The following ZMYND15 variants were observed in gnomAD, a reference collection of about 807,000 sequenced individuals.
The protein encoded by ZMYND15 is zinc finger MYND domain-containing protein 15.
Under a neutral mutation model 81.7 loss-of-function variants are expected in ZMYND15, and 54 were observed. The ratio of observed to expected loss-of-function variants is 0.66; its 90% CI spans 0.53 to 0.83. The LOEUF (loss-of-function observed/expected upper bound fraction) is 0.83. Ranked by LOEUF, ZMYND15 falls within the 40% of genes least tolerant of loss-of-function variation. ZMYND15 has a pLI of 0.00. For missense variants in ZMYND15, 925 were observed against 973.5 expected (o/e 0.95, Z 0.66); for synonymous variants, 399 against 387.0 (o/e 1.03, Z -0.36).
Position 4,743,120 on chromosome 17 carries a change from G to A in ZMYND15, c.1145-183G>A, listed in dbSNP as rs1916498509. ...GTCAGGCATGGTGCACTCGCTTGTG[G>A]TCACAATTCTCGGGAGACTGAGGTG... is the stretch of plus-strand genomic sequence containing the variant. On this transcript the variant is annotated intron_variant, in intron 5 of 13. Coordinates refer to ENST00000433935, the MANE Select transcript of ZMYND15 (RefSeq NM_001136046.3). This position sits in a 1 kb window ranked among gnomAD's most constrained non-coding sequence, Gnocchi z 4.3. Among the ~76,000 whole-genome samples the A allele has an allele frequency of 6.6e-6, 1 of 151,994 alleles. No homozygotes were observed. Among genetic ancestry groups the A allele is most frequent in the Non-Finnish European group, 1.5e-5 (1 of 68,016 alleles).
Position 4,740,005 on chromosome 17 carries a change from C to T in ZMYND15, c.-76C>T, listed in dbSNP as rs1916309978. The T allele has an allele frequency of 3.0e-6, 3 of 985,402 alleles. No homozygotes were observed. The highest frequency in any genetic ancestry group is 2.4e-6 in the Non-Finnish European group (2 of 829,956). The allele number at this position is 985,402 out of a possible 1,614,324, so 61.0% of individuals were successfully genotyped here. On this transcript the variant is annotated 5_prime_UTR_variant, in exon 1 of 14. Coordinates refer to ENST00000433935, the MANE Select transcript of ZMYND15 (RefSeq NM_001136046.3). ...TGACGTCACAACCGCACCCGCGCAC[C>T]CTCCACCGCGAGGTATTTACCTTCG...
intron 4 of ZMYND15, 119 bp downstream of exon 4, chr17:4,742,189 G>A (rs1263123917): frequency 6.5e-7 from 1 of 1,543,602 alleles, no homozygotes. Flanking sequence ...AGATGCAGAG[G>A]AAACAATACA....
In ZMYND15 at chr17:4,745,123, C is replaced by CG; in HGVS notation, c.1897-88dup. 1 of 1,602,656 alleles carries CG rather than the reference C, an allele frequency of 6.2e-7. No homozygotes were observed. Among genetic ancestry groups the CG allele is most frequent in the South Asian group, 1.1e-5 (1 of 89,734 alleles). ...CCTGCTCCCCTCCGCCCGGTCTGTC[C>CG]GGGGACCTCGGCTTTCAGCCCGGTC... On this transcript the variant is annotated intron_variant, in intron 12 of 13. Transcript: ENST00000433935. This position sits in a 1 kb window ranked among gnomAD's most constrained non-coding sequence, Gnocchi z 5.2.
In ZMYND15 at chr17:4,745,906, C is replaced by T. The variant is rs897351564; in HGVS notation, c.2145C>T (p.Ser715=). 8 of 1,539,346 alleles carry T rather than the reference C, an allele frequency of 5.2e-6. No homozygotes were observed. In the African/African-American group the frequency reaches 1.1e-4, roughly 22 times the overall value. ...ARPAPGPPPP[S]PTPSAPPAPT... is the part of the protein sequence containing the mutation. ...CGGCGCCCGGGCCCCCACCCCCATC[C>T]CCAACTCCCTCTGCTCCTCCTGCCC... Residue 715 remains serine (S), a synonymous_variant, in exon 14 of 14, where the codon TCC becomes TCT. Coordinates refer to ENST00000433935, the MANE Select transcript of ZMYND15 (RefSeq NM_001136046.3). This position sits in a 1 kb window ranked among gnomAD's most constrained non-coding sequence, Gnocchi z 5.2.
Position 4,744,878 on chromosome 17 carries a change from T to C in ZMYND15, c.1846T>C (p.Ser616Pro). The C allele has an allele frequency of 6.2e-7, 1 of 1,614,056 alleles. No individual in the cohort carries two copies. The highest frequency in any genetic ancestry group is 8.5e-7 in the Non-Finnish European group (1 of 1,179,992). The part of the protein sequence containing the change: ...PKPDLVIGFN[S>P]GFALKDTWLR... ...CTCCTCTCTGTCTGCAGGATTTAACTCCGGGTTTGCTCTCAAGGATACGTG... is the reference window on the plus strand; with the variant it reads ...CTCCTCTCTGTCTGCAGGATTTAACCCCGGGTTTGCTCTCAAGGATACGTG... Residue 616 changes from serine (S) to proline (P), a missense_variant, in exon 12 of 14, where the codon TCC becomes CCC. Physicochemically the swap from Ser to Pro is moderately conservative, Grantham distance 74 (BLOSUM62 -1). Transcript: ENST00000433935. This position sits in a 1 kb window ranked among gnomAD's most constrained non-coding sequence, Gnocchi z 4.1.
Position 4,744,197 on chromosome 17 carries a change from G to T in ZMYND15, c.1503G>T (p.Glu501Asp). The T allele has an allele frequency of 6.2e-7, 1 of 1,614,106 alleles. No individual in the cohort carries two copies. Among genetic ancestry groups the T allele is most frequent in the Non-Finnish European group, 8.5e-7 (1 of 1,180,016 alleles). Reference protein sequence around the residue: ...ITHLVPQSFPELNIQNKQSLK... With the variant: ...ITHLVPQSFPDLNIQNKQSLK... The stretch of plus-strand genomic sequence containing the variant: ...CGCTGGTTTTTCACCCAGTCCCTGA[G>T]CTCAACATCCAAAACAAACAGTCAC... Residue 501 changes from glutamate to aspartate, a missense_variant, in exon 9 of 14, where the codon GAG (glutamate) becomes GAT (aspartate). By Grantham distance (45) the Glu-to-Asp change is conservative (BLOSUM62 2). Transcript: ENST00000433935. This position sits in a 1 kb window ranked among gnomAD's most constrained non-coding sequence, Gnocchi z 4.1.
rs1916477282 is a variant in ZMYND15 at position 4,742,632 on chromosome 17, G to A, written c.1144+141G>A. 5 of 1,206,800 alleles carry A rather than the reference G, an allele frequency of 4.1e-6. No individual in the cohort carries two copies. In the South Asian group the frequency reaches 7.8e-5, roughly 19 times the overall value. The allele number at this position is 1,206,800 out of a possible 1,614,324, so 74.8% of individuals were successfully genotyped here. Reference sequence around the variant, plus strand: ...CCTAGATCCCTGGAACAAGGGCAGGGGCTGGGTGTTTGGGGCTGGAGACAG... The same window carrying A: ...CCTAGATCCCTGGAACAAGGGCAGGAGCTGGGTGTTTGGGGCTGGAGACAG... On this transcript the variant is annotated intron_variant, in intron 5 of 13. Coordinates refer to ENST00000433935, the MANE Select transcript of ZMYND15 (RefSeq NM_001136046.3).
At position 4,740,516 on chromosome 17, in the gene ZMYND15, CA is replaced by C; in HGVS notation, c.-30-2del. ...CTCACCATATATCCCTTCTTTTGCT[CA>C]GTCTGGGCCGGGGCCCTGTGCCGCT... On this transcript the variant is annotated splice_acceptor_variant, in intron 1 of 13. Coordinates refer to ENST00000433935, the MANE Select transcript of ZMYND15 (RefSeq NM_001136046.3). LOFTEE classifies it low-confidence loss of function (5UTR_SPLICE). The C allele has an allele frequency of 3.9e-6, 6 of 1,537,030 alleles. No homozygotes were observed. Among genetic ancestry groups the C allele is most frequent in the Non-Finnish European group, 5.3e-6 (6 of 1,139,248 alleles).
rs1916373332 is a variant in ZMYND15 at position 4,740,896 on chromosome 17, G to A, written c.348G>A (p.Glu116=). ...GCCTAGAGGATGGGGAGGAAGGGGA[G>A]GAGGAAGAGGAGGAAGATGAAGAAG... ...FVSLEDGEEG[E]EEEEEDEEEE... Residue 116 remains glutamate (E), a synonymous_variant, in exon 2 of 14, where the codon GAG becomes GAA. Coordinates refer to ENST00000433935, the MANE Select transcript of ZMYND15 (RefSeq NM_001136046.3). 1.9e-6 allele frequency: 3 copies of A among 1,578,546 alleles called. No individual in the cohort carries two copies. The highest frequency in any genetic ancestry group is 1.8e-5 in the Admixed American group (1 of 56,212).
Position 4,745,702 on chromosome 17 carries a change from C to G in ZMYND15, c.2058-117C>G, listed in dbSNP as rs907362752. The G allele has an allele frequency of 7.3e-5, 49 of 673,988 alleles. No homozygotes were observed. The highest frequency in any genetic ancestry group is 1.0e-4 in the Non-Finnish European group (43 of 416,154). 41.8% of individuals were successfully genotyped at this position (673,988 alleles called of 1,614,324 possible). A position where few individuals can be genotyped will look rare whatever the true frequency, so the allele number is the denominator to read the frequency against. On this transcript the variant is annotated intron_variant, in intron 13 of 13. Transcript: ENST00000433935. This position sits in a 1 kb window ranked among gnomAD's most constrained non-coding sequence, Gnocchi z 5.2. ...GCCCCGCCCCCTGGTCCCTGACCGC[C>G]CGGTGGAGCCCCGCCCCCTGGTCCC...
At position 4,743,225 on chromosome 17, in the gene ZMYND15, C is replaced by A; in HGVS notation, c.1145-78C>A. The stretch of plus-strand genomic sequence containing the variant: ...CTGCACTCTAGCTTGGGTGATAGAG[C>A]AAGACTCTGTCTCAAAAAAAAAAAA... On this transcript the variant is annotated intron_variant, in intron 5 of 13. Coordinates refer to ENST00000433935, the MANE Select transcript of ZMYND15 (RefSeq NM_001136046.3). This position sits in a 1 kb window ranked among gnomAD's most constrained non-coding sequence, Gnocchi z 4.3. 1 of 1,425,862 alleles carries A rather than the reference C, an allele frequency of 7.0e-7. No homozygotes were observed. The highest frequency in any genetic ancestry group is 9.4e-7 in the Non-Finnish European group (1 of 1,059,256). The allele number at this position is 1,425,862 out of a possible 1,614,324, so 88.3% of individuals were successfully genotyped here. A position where few individuals can be genotyped will look rare whatever the true frequency, so the allele number is the denominator to read the frequency against.
intron 5 of ZMYND15, 45 bp downstream of exon 5, chr17:4,742,536 T>G (rs1167195361): frequency 1.2e-6 from 2 of 1,600,094 alleles, no homozygotes; most frequent in African/African-American, 2.7e-5. Context: ...TGGGACCAGG[T>G]CTTTGAGACT....
At position 4,742,326 on chromosome 17, in the gene ZMYND15, C is replaced by T; in HGVS notation, c.984-5C>T. ...CTAGGTGCCCACCACCCGCTGTGTCCCCAGCCCCCAGTGTAGTGCTGTCTT... is the reference window on the plus strand; with the variant it reads ...CTAGGTGCCCACCACCCGCTGTGTCTCCAGCCCCCAGTGTAGTGCTGTCTT... On this transcript the variant is annotated splice_region_variant and splice_polypyrimidine_tract_variant and intron_variant, in intron 4 of 13. Coordinates refer to ENST00000433935, the MANE Select transcript of ZMYND15 (RefSeq NM_001136046.3). 6.2e-7 allele frequency: 1 copy of T among 1,613,370 alleles called. No homozygotes were observed. The highest frequency in any genetic ancestry group is 1.1e-5 in the South Asian group (1 of 91,066).
Position 4,745,161 on chromosome 17 carries a change from T to C in ZMYND15, c.1897-54T>C. The C allele has an allele frequency of 6.2e-7, 1 of 1,612,864 alleles. No homozygotes were observed. The highest frequency in any genetic ancestry group is 8.5e-7 in the Non-Finnish European group (1 of 1,179,408). ...TTTCAGCCCGGTCTGTCATTCTGGC[T>C]GCTGGGATGGATTTGGGGAGGGGCC... On this transcript the variant is annotated intron_variant, in intron 12 of 13. Transcript: ENST00000433935. This position sits in a 1 kb window ranked among gnomAD's most constrained non-coding sequence, Gnocchi z 5.2.
In ZMYND15 at chr17:4,744,497, C is replaced by T. The variant is rs1454709659; in HGVS notation, c.1683+30C>T. ...GGGCTGAGGGGGCCCTGCTTTTCAGCCCTGACCCCTCCAGTGACCTCCTGG... is the reference window on the plus strand; with the variant it reads ...GGGCTGAGGGGGCCCTGCTTTTCAGTCCTGACCCCTCCAGTGACCTCCTGG... On this transcript the variant is annotated intron_variant, in intron 10 of 13. Coordinates refer to ENST00000433935, the MANE Select transcript of ZMYND15 (RefSeq NM_001136046.3). The surrounding 1 kb of genome is among the most constrained non-coding windows in gnomAD (Gnocchi z 4.1). 1 of 1,613,494 alleles carries T rather than the reference C, an allele frequency of 6.2e-7. No individual in the cohort carries two copies. The highest frequency in any genetic ancestry group is 8.5e-7 in the Non-Finnish European group (1 of 1,179,592).
rs375765573 is a variant in ZMYND15, at chr17:4,744,627, C to A, written c.1686C>A (p.Asp562Glu). The change falls in exon 11 of 14, where the codon GAC (aspartate) becomes GAA (glutamate). Residue 562 changes from aspartate (D) to glutamate (E), a missense_variant and splice_region_variant. Transcript: ENST00000433935. This position sits in a 1 kb window ranked among gnomAD's most constrained non-coding sequence, Gnocchi z 4.1. ...SDEQHFTLQR[D>E]SLEVSVRPGS... ...ACCCCACTCCTGGGGCCCCTCAGGA[C>A]AGCCTGGAGGTGTCTGTCCGGCCTG... The A allele has an allele frequency of 1.1e-4, 185 of 1,610,974 alleles. No homozygotes were observed. Among genetic ancestry groups the A allele is most frequent in the Non-Finnish European group, 1.4e-4 (164 of 1,179,158 alleles).
At chr17:4,740,196 G>A in intron 1 of ZMYND15, 146 bp downstream of exon 1, 1 of 600,858 alleles carries the variant, frequency 1.7e-6, no homozygotes, top group Non-Finnish European at 2.1e-6. Flanking sequence ...AACCGTTCCC[G>A]ATAGGATTAG....
chr17:4,741,570 C>G lies in ZMYND15; in HGVS notation c.593-12C>G. The G allele has an allele frequency of 6.2e-7, 1 of 1,613,810 alleles. No homozygotes were observed. Among genetic ancestry groups the G allele is most frequent in the Non-Finnish European group, 8.5e-7 (1 of 1,179,800 alleles). The stretch of plus-strand genomic sequence containing the variant: ...TGCCCCCTACCACCTCAACTTTTCC[C>G]TCTTTCCCCAGAGGCTGCCCCCCTG... On this transcript the variant is annotated splice_polypyrimidine_tract_variant and intron_variant, in intron 2 of 13. Coordinates refer to ENST00000433935, the MANE Select transcript of ZMYND15 (RefSeq NM_001136046.3).
In ZMYND15 at chr17:4,741,923, A is replaced by T; in HGVS notation, c.836A>T (p.Glu279Val). Residue 279 changes from glutamate (E) to valine (V), a missense_variant, in exon 4 of 14, where the codon GAG (glutamate) becomes GTG (valine). Glu to Val is a moderately radical substitution (Grantham distance 121). Transcript: ENST00000433935. ...VGDARLHREL[E>V]SLVPRLGVKL... ...CCCCCAACTGCATTTAGAGAGCTGG[A>T]GAGCTTGGTCCCAAGGCTAGGTGTG... 6.2e-7 allele frequency: 1 copy of T among 1,614,118 alleles called. No homozygotes were observed. Among genetic ancestry groups the T allele is most frequent in the Non-Finnish European group, 8.5e-7 (1 of 1,179,978 alleles).
Sources: gnomAD v4.1 joint callset for allele counts (sites outside exome capture counted in the v4.1 genomes callset) on GRCh38, gnomAD v4.1.1 for gene constraint, Gnocchi (gnomAD v3.1) non-coding constraint, MANE v1.5 for transcripts, NCBI Gene and HGNC (gene_info 2026-07-23, HGNC 2026-07-21) for gene names.